GDAP1: variants seen among roughly 807,000 people sequenced by gnomAD.
GDAP1 encodes the protein ganglioside induced differentiation associated protein 1.
Under a neutral mutation model 40.1 loss-of-function variants are expected in GDAP1, and 34 were observed. The observed-to-expected ratio is 0.85, with a 90% confidence interval of 0.64 to 1.13. The LOEUF (loss-of-function observed/expected upper bound fraction) is 1.13, where lower values mean the gene tolerates loss of function less well. GDAP1 is among the 50% of genes most tolerant of loss of function. The pLI is 0.00. For missense variants in GDAP1, 374 were observed against 433.7 expected, an observed-to-expected ratio of 0.86 and a Z score of 1.22; for synonymous variants, 170 against 157.4, an observed-to-expected ratio of 1.08 and a Z score of -0.60.
chr8:74,360,378 C>A (rs1359444191), intron 3 of GDAP1, 68 bp downstream of exon 3: 19 of 1,267,074 alleles, frequency 1.5e-5, no homozygotes, highest in Non-Finnish European at 2.2e-5. Flanking sequence ...TGAGACCTAG[C>A]ATGTCTCATG....
chr8:74,350,614 T>G, intron 1 of GDAP1, 36 bp downstream of exon 1: 1 of 1,288,812 alleles, frequency 7.8e-7, no homozygotes, highest in Non-Finnish European at 1.1e-6. Flanking sequence ...GTGGCGCGGA[T>G]CGGGCTTCAG....
chr8:74,482,506 A>G (rs1806724964), intron 2 of GDAP1, among the ~76,000 whole-genome samples: 1 of 152,188 alleles, frequency 6.6e-6, no homozygotes, highest in Admixed American at 6.5e-5. Flanking sequence ...GCATGGTTAA[A>G]AAACAAAACA....
At chr8:74,362,784 C>CTTTTTTT (rs1284434868) in intron 4 of GDAP1, among the ~76,000 whole-genome samples, 155 bp from the exon 5 acceptor site, 4,372 of 60,002 alleles carry the variant, frequency 0.073, 331 homozygotes, top group Admixed American at 0.12. Flanking sequence ...CTCTCTCTCT[C>CTTTTTTT]TTTTTTTTTT....
intron 2 of GDAP1, among the ~76,000 whole-genome samples, chr8:74,434,280 C>A (rs1392863492): frequency 6.6e-6 from 1 of 152,140 alleles, no homozygotes; most frequent in Non-Finnish European, 1.5e-5. Context: ...AGAATAAAGA[C>A]CGTGATCATT....
intron 2 of GDAP1, among the ~76,000 whole-genome samples, chr8:74,420,354 C>A (rs1167912194): frequency 1.3e-5 from 2 of 152,118 alleles, no homozygotes; most frequent in Admixed American, 1.3e-4. Flanking sequence ...GTTCATGTTT[C>A]TGGATCAGTT....
At chr8:74,394,834 G>A (rs1246746220) in intron 2 of GDAP1, among the ~76,000 whole-genome samples, 9 of 152,092 alleles carry the variant, frequency 5.9e-5, no homozygotes, top group South Asian at 4.1e-4. Context: ...GCCCAAAGAA[G>A]ACTCATACCT....
At chr8:74,437,718 T>C (rs1278533930) in intron 2 of GDAP1, among the ~76,000 whole-genome samples, 2 of 148,198 alleles carry the variant, frequency 1.3e-5, no homozygotes, top group African/African-American at 2.4e-5. Context: ...TAAATCATAT[T>C]ATACGTCAAC....
rs549267959 is a variant in GDAP1 at position 74,460,781 on chromosome 8, TA to T, written c.166-27896del. On this transcript the variant is annotated intron_variant, in intron 2 of 2. Coordinates refer to the GDAP1 transcript ENST00000523640. ...GACCTGTTATGTTTGGGGACATGAA[TA>T]TACAGAGAAAGAGAGAGAGAATGAG... Among the ~76,000 whole-genome samples the T allele has an allele frequency of 3.3e-5, 5 of 151,876 alleles. No homozygotes were observed. The South Asian group carries it at 1.0e-3, about 32-fold the overall frequency.
At chr8:74,420,290 A>C (rs1805839984) in intron 2 of GDAP1, among the ~76,000 whole-genome samples, 1 of 152,158 alleles carries the variant, frequency 6.6e-6, no homozygotes, top group African/African-American at 2.4e-5. Flanking sequence ...GCCCTGGTTG[A>C]GTATCAACAT....
At chr8:74,468,056 T>C (rs1034272967) in intron 2 of GDAP1, among the ~76,000 whole-genome samples, 52 of 152,288 alleles carry the variant, frequency 3.4e-4, no homozygotes, top group African/African-American at 1.2e-3. Context: ...TTTGTGATAA[T>C]GTTTTGTCAT....
rs529271746 is a variant in GDAP1 at position 74,460,017 on chromosome 8, C to G, written c.166-28661C>G. Among the ~76,000 whole-genome samples, 278 of 152,282 alleles carry G rather than the reference C, an allele frequency of 1.8e-3. 13 individuals are homozygous for G. In the South Asian group the frequency reaches 0.054, roughly 29 times the overall value. ...GCAATTTATCTGTGTTGGTGGCAATCTGTGGGCAGCATTGAGTACAACATC... is the reference window on the plus strand; with the variant it reads ...GCAATTTATCTGTGTTGGTGGCAATGTGTGGGCAGCATTGAGTACAACATC... On this transcript the variant is annotated intron_variant, in intron 2 of 2. Coordinates refer to the GDAP1 transcript ENST00000523640.
In GDAP1 at chr8:74,362,915, T is replaced by C. The variant is rs111269356; in HGVS notation, c.580-24T>C. Reference sequence around the variant, plus strand: ...TTAAAGGTGCAAATAATATGTTTGGTTTCTTTTTTTGGTGGTTAATTAGTC... The same window carrying C: ...TTAAAGGTGCAAATAATATGTTTGGCTTCTTTTTTTGGTGGTTAATTAGTC... On this transcript the variant is annotated intron_variant, in intron 4 of 5. Transcript: ENST00000220822. 1,392 of 1,015,084 alleles carry C rather than the reference T, an allele frequency of 1.4e-3. 13 individuals are homozygous for C. The African/African-American group carries it at 0.019, about 14-fold the overall frequency. The allele number at this position is 1,015,084 out of a possible 1,614,324, so 62.9% of individuals were successfully genotyped here.
At chr8:74,402,264 G>GC in intron 2 of GDAP1, among the ~76,000 whole-genome samples, 1 of 150,466 alleles carries the variant, frequency 6.6e-6, no homozygotes. Context: ...AATGGCGGGC[G>GC]CCCCTCCCCC....
At chr8:74,449,244 A>G (rs933625028) in intron 2 of GDAP1, among the ~76,000 whole-genome samples, 1 of 151,914 alleles carries the variant, frequency 6.6e-6, no homozygotes, top group African/African-American at 2.4e-5. Flanking sequence ...GTTGATTACT[A>G]TAGCTGAAAA....
In GDAP1 at chr8:74,414,626, C is replaced by T. The variant is rs547258331; in HGVS notation, c.165+63305C>T. On this transcript the variant is annotated intron_variant, in intron 2 of 2. Coordinates refer to the GDAP1 transcript ENST00000523640. ...ATCCAATTTGAACAAGAGAGAAAAA[C>T]GTTAAAAGAAGAAGGAAAATTAAAA... Among the ~76,000 whole-genome samples the T allele has an allele frequency of 3.0e-4, 44 of 145,884 alleles. 8 individuals are homozygous for T. The highest frequency in any genetic ancestry group is 1.2e-3 in the African/African-American group (44 of 37,516).
At chr8:74,444,238 A>G (rs1806202883) in intron 2 of GDAP1, among the ~76,000 whole-genome samples, 1 of 106,910 alleles carries the variant, frequency 9.4e-6, no homozygotes, top group Non-Finnish European at 2.2e-5. Context: ...ACACACACAC[A>G]CACACACACA....
At chr8:74,465,042 A>G (rs904823352) in intron 2 of GDAP1, among the ~76,000 whole-genome samples, 18 of 152,056 alleles carry the variant, frequency 1.2e-4, no homozygotes, top group African/African-American at 3.9e-4. Context: ...CAACATGGTG[A>G]AAGCCCACCT....
At chr8:74,377,460 C>G (rs1016697278) in intron 2 of GDAP1, among the ~76,000 whole-genome samples, 7 of 152,112 alleles carry the variant, frequency 4.6e-5, no homozygotes, top group African/African-American at 1.7e-4. Context: ...TGTTATTCAT[C>G]AAATCTCATG....
At chr8:74,429,701 A>T (rs1806002138) in intron 2 of GDAP1, among the ~76,000 whole-genome samples, 1 of 152,192 alleles carries the variant, frequency 6.6e-6, no homozygotes, top group African/African-American at 2.4e-5. Flanking sequence ...ATTACCCTTT[A>T]ACGGCCCTAT....
Sources: gnomAD v4.1 joint callset for allele counts (sites outside exome capture counted in the v4.1 genomes callset) on GRCh38, gnomAD v4.1.1 for gene constraint, MANE v1.5 for transcripts, NCBI Gene and HGNC (gene_info 2026-07-23, HGNC 2026-07-21) for gene names.